PPP1R13B: variants seen among roughly 807,000 people sequenced by gnomAD.
The protein encoded by PPP1R13B is apoptosis-stimulating of p53 protein 1.
PPP1R13B carries 44 observed loss-of-function variants against 119.8 expected under a neutral mutation model. The observed-to-expected ratio is 0.37, with a 90% confidence interval of 0.29 to 0.47. The LOEUF is 0.47. Ranked by LOEUF, PPP1R13B falls within the 20% of genes least tolerant of loss-of-function variation. The pLI is 0.99. For synonymous variants in PPP1R13B, 542 were observed against 561.5 expected (o/e 0.97, Z 0.49); for missense variants, 1,227 against 1,413.5 (o/e 0.87, Z 2.12).
intron 4 of PPP1R13B, chr14:103,762,797 C>A: frequency 1.3e-6 from 1 of 795,534 alleles, no homozygotes; most frequent in Non-Finnish European, 2.2e-6. Context: ...GCCGCCCGCT[C>A]CAGCCATGCT....
chr14:103,837,814 T>C (rs567993904), intron 1 of PPP1R13B, among the ~76,000 whole-genome samples: 1 of 152,280 alleles, frequency 6.6e-6, no homozygotes, highest in African/African-American at 2.4e-5. Context: ...CACTCCACTT[T>C]TTAAAAACAT....
Position 103,738,295 on chromosome 14 carries a change from G to A in PPP1R13B, c.2864+384C>T, listed in dbSNP as rs2084163601. ...GCAGCAGAGCTCCCGAAGGCAAACG[G>A]AATGAACAATGCGACAACCTACATG... On this transcript the variant is annotated intron_variant, in intron 14 of 16. Transcript: ENST00000202556. The surrounding 1 kb of genome is among the most constrained non-coding windows in gnomAD (Gnocchi z 5.6). 4 of 289,822 alleles carry A rather than the reference G, an allele frequency of 1.4e-5. No homozygotes were observed. In the East Asian group the frequency reaches 2.4e-4, roughly 18 times the overall value. 18.0% of individuals were successfully genotyped at this position (289,822 alleles called of 1,614,324 possible).
At chr14:103,823,157 T>C (rs1197023370) in intron 1 of PPP1R13B, among the ~76,000 whole-genome samples, 3 of 151,942 alleles carry the variant, frequency 2.0e-5, no homozygotes, top group East Asian at 3.9e-4. Context: ...GGTAACACGG[T>C]GAAACCCTGT....
intron 4 of PPP1R13B, among the ~76,000 whole-genome samples, chr14:103,771,475 CTTT>C (rs57795299): frequency 6.2e-5 from 6 of 96,968 alleles, no homozygotes; most frequent in Non-Finnish European, 8.0e-5. Context: ...ACTAACACTT[CTTT>C]TTTTTTTTTT....
chr14:103,797,306 G>A, intron 2 of PPP1R13B, 65 bp downstream of exon 2: 1 of 1,471,002 alleles, frequency 6.8e-7, no homozygotes, highest in Non-Finnish European at 9.1e-7. Flanking sequence ...TCCAGCACAA[G>A]CTTAGCTAAA....
chr14:103,781,092 C>T (rs2085326386), intron 3 of PPP1R13B, among the ~76,000 whole-genome samples: 1 of 152,062 alleles, frequency 6.6e-6, no homozygotes, highest in South Asian at 2.1e-4. Context: ...CATGAGCCAC[C>T]ATACTCAGCC....
At chr14:103,802,590 T>C (rs540489518) in intron 1 of PPP1R13B, among the ~76,000 whole-genome samples, 33 of 152,182 alleles carry the variant, frequency 2.2e-4, no homozygotes, top group Non-Finnish European at 3.7e-4. Flanking sequence ...CTCATGAATA[T>C]AGCACGCGTA....
chr14:103,772,164 TTAG>T (rs56997946), intron 4 of PPP1R13B, among the ~76,000 whole-genome samples: 21,556 of 152,242 alleles, frequency 0.14, 1,974 homozygotes, highest in Middle Eastern at 0.21. Flanking sequence ...GTAGCATGTA[TTAG>T]TAGTTCATTT....
rs1194428762 is a variant in PPP1R13B at position 103,846,928 on chromosome 14, G to A, written c.9+371C>T. 3 of 1,160,722 alleles carry A rather than the reference G, an allele frequency of 2.6e-6. No homozygotes were observed. The African/African-American group carries it at 4.8e-5, about 18-fold the overall frequency. The allele number at this position is 1,160,722 out of a possible 1,614,324, so 71.9% of individuals were successfully genotyped here. A position where few individuals can be genotyped will look rare whatever the true frequency, so the allele number is the denominator to read the frequency against. On this transcript the variant is annotated intron_variant, in intron 1 of 16. Transcript: ENST00000202556. ...GGGTGCCCACCCCGCCGACTCCCAG[G>A]GCGACCCCAGAACGTTCGTTTCAGG...
intron 1 of PPP1R13B, chr14:103,846,667 T>G: frequency 2.2e-6 from 1 of 450,116 alleles, no homozygotes; most frequent in Non-Finnish European, 4.5e-6. Flanking sequence ...GGCCAATGTC[T>G]TTCTAGGCGA....
intron 2 of PPP1R13B, among the ~76,000 whole-genome samples, chr14:103,795,732 A>G (rs2085743156): frequency 6.6e-6 from 1 of 152,186 alleles, no homozygotes; most frequent in Non-Finnish European, 1.5e-5. Context: ...GTTAATTACA[A>G]TTACTTAACT....
At chr14:103,833,140 CAT>C (rs1302913463) in intron 1 of PPP1R13B, among the ~76,000 whole-genome samples, 21 of 152,308 alleles carry the variant, frequency 1.4e-4, no homozygotes, top group Admixed American at 8.5e-4. Context: ...AATGGTAACT[CAT>C]ATTTTAACAT....
At chr14:103,843,966 A>AAAG in intron 1 of PPP1R13B, among the ~76,000 whole-genome samples, 1 of 149,636 alleles carries the variant, frequency 6.7e-6, no homozygotes, top group East Asian at 2.0e-4. Flanking sequence ...AAAAAAAAAA[A>AAAG]GTGGAAAGGC....
At chr14:103,836,846 G>A (rs373846523) in intron 1 of PPP1R13B, among the ~76,000 whole-genome samples, 1 of 151,378 alleles carries the variant, frequency 6.6e-6, no homozygotes, top group African/African-American at 2.4e-5. Flanking sequence ...ATACAGTCTC[G>A]GGTCTGGACT....
At chr14:103,779,149 G>A (rs546676663) in intron 3 of PPP1R13B, among the ~76,000 whole-genome samples, 259 of 149,452 alleles carry the variant, frequency 1.7e-3, no homozygotes, top group African/African-American at 6.3e-3. Flanking sequence ...AATTAGCCGG[G>A]TATGGTGGTG....
intron 1 of PPP1R13B, among the ~76,000 whole-genome samples, chr14:103,812,685 G>A (rs1465284292): frequency 6.6e-6 from 1 of 152,164 alleles, no homozygotes; most frequent in Non-Finnish European, 1.5e-5. Context: ...AAGGTGCTAG[G>A]ATTACACGCG....
chr14:103,812,846 T>C (rs1359221102), intron 1 of PPP1R13B, among the ~76,000 whole-genome samples: 1 of 152,168 alleles, frequency 6.6e-6, no homozygotes, highest in Non-Finnish European at 1.5e-5. Context: ...AAATTATTAA[T>C]AAAACAACAG....
At chr14:103,769,602 C>A (rs1187540889) in intron 4 of PPP1R13B, among the ~76,000 whole-genome samples, 1 of 152,076 alleles carries the variant, frequency 6.6e-6, no homozygotes, top group Non-Finnish European at 1.5e-5. Flanking sequence ...TCAAAAATGA[C>A]AAACATCCCT....
rs34674155 is a variant in PPP1R13B at position 103,778,263 on chromosome 14, C to CTTTTTT, written c.354+476_354+481dup. Among the ~76,000 whole-genome samples, 93 of 99,498 alleles carry CTTTTTT rather than the reference C, an allele frequency of 9.3e-4. 2 individuals are homozygous for CTTTTTT. Among genetic ancestry groups the CTTTTTT allele is most frequent in the African/African-American group, 3.7e-3 (88 of 23,686 alleles). The allele number at this position is 99,498 out of a possible 152,430, so 65.3% of individuals were successfully genotyped here. ...AGCCACCACGCCTGGCCACATCTGA[C>CTTTTTT]TTTTTTTTTTTTTTTTTTTTGACAC... On this transcript the variant is annotated intron_variant, in intron 4 of 16. Transcript: ENST00000202556.
Sources: allele counts gnomAD v4.1 joint callset (sites outside exome capture counted in the v4.1 genomes callset), GRCh38; gene constraint gnomAD v4.1.1; non-coding constraint Gnocchi (gnomAD v3.1); transcripts MANE v1.5; gene names NCBI Gene and HGNC (gene_info 2026-07-23, HGNC 2026-07-21).